COL17A1: variants seen among roughly 807,000 people sequenced by gnomAD.
COL17A1 encodes the protein collagen type XVII alpha 1 chain, also known as collagen alpha-1(XVII) chain.
A neutral mutation model predicts 218.4 loss-of-function variants in COL17A1; 181 were observed. The ratio of observed to expected loss-of-function variants is 0.83; its 90% CI spans 0.73 to 0.94. The LOEUF is 0.94. Ranked by LOEUF, COL17A1 falls within the 40% of genes least tolerant of loss-of-function variation. The probability of loss-of-function intolerance (pLI) is 0.00; values close to 1 mark genes in which losing one functional copy is unlikely to be tolerated. For missense variants in COL17A1, 1,924 were observed against 1,945.9 expected, an observed-to-expected ratio of 0.99 and a Z score of 0.21; for synonymous variants, 721 against 731.0, an observed-to-expected ratio of 0.99 and a Z score of 0.22.
chr10:104,080,735 T>G (rs959922714), intron 1 of COL17A1, 51 bp from the exon 2 acceptor site: 13 of 1,582,210 alleles, frequency 8.2e-6, no homozygotes, highest in Non-Finnish European at 1.0e-5. Context: ...TTGTTTTTAG[T>G]AATTATAGGT....
intron 35 of COL17A1, 148 bp from the exon 36 acceptor site, chr10:104,042,603 C>T: frequency 1.3e-6 from 1 of 798,830 alleles, no homozygotes; most frequent in East Asian, 2.7e-5. Context: ...CGAGATCAGC[C>T]CTGCGGTCCA....
intron 14 of COL17A1, 115 bp from the exon 15 acceptor site, chr10:104,059,833 G>C: frequency 8.7e-7 from 1 of 1,148,444 alleles, no homozygotes; most frequent in Non-Finnish European, 1.3e-6. Flanking sequence ...GGTTAGACTG[G>C]TAAGAAGAGC....
chr10:104,057,065 C>CA lies in COL17A1; in HGVS notation c.1374_1375insT (p.Gly459TrpfsTer43). On this transcript the variant is annotated frameshift_variant, in exon 17 of 56. Transcript: ENST00000648076. LOFTEE classifies it high-confidence loss of function. ...CACTTCCACCAGCTGCAGCAGGAGC[C>CA]GCAGGGGCACCAGGCTGGCGCTGGT... The CA allele has an allele frequency of 6.2e-7, 1 of 1,610,518 alleles. No homozygotes were observed. Among genetic ancestry groups the CA allele is most frequent in the Non-Finnish European group, 8.5e-7 (1 of 1,178,650 alleles).
chr10:104,035,440 A>G, intron 49 of COL17A1, 34 bp downstream of exon 49: 2 of 1,613,396 alleles, frequency 1.2e-6, no homozygotes, highest in East Asian at 2.2e-5. Context: ...TTCCTCCCCA[A>G]CCAGTTGGAC....
chr10:104,069,728 A>T (rs2086654337), intron 9 of COL17A1, among the ~76,000 whole-genome samples: 1 of 151,940 alleles, frequency 6.6e-6, no homozygotes, highest in Non-Finnish European at 1.5e-5. Context: ...CTTCGAACTC[A>T]AACCCCGCCT....
chr10:104,037,364 C>T (rs2086310779), intron 46 of COL17A1, among the ~76,000 whole-genome samples: 3 of 151,412 alleles, frequency 2.0e-5, no homozygotes, highest in Non-Finnish European at 2.9e-5. Flanking sequence ...ATGCTGCCAA[C>T]CTTCATGCAC....
At chr10:104,074,399 A>G (rs1194346567) in intron 5 of COL17A1, among the ~76,000 whole-genome samples, 168 bp from the exon 6 acceptor site, 1 of 152,206 alleles carries the variant, frequency 6.6e-6, no homozygotes, top group Non-Finnish European at 1.5e-5. Context: ...CAGGCTCATG[A>G]TGTAAAACAC....
rs747017472 is a variant in COL17A1 at position 104,057,197 on chromosome 10, AG to A, written c.1268-26del. On this transcript the variant is annotated intron_variant, in intron 16 of 55. Coordinates refer to ENST00000648076, the MANE Select transcript of COL17A1 (RefSeq NM_000494.4). ...TCTGTGAAAGAGACAGGGAAAATGAAGCAAATGCAGGCAGCTCCTGCCTTTT... is the reference window on the plus strand; with the variant it reads ...TCTGTGAAAGAGACAGGGAAAATGAACAAATGCAGGCAGCTCCTGCCTTTT... 9 of 1,613,908 alleles carry A rather than the reference AG, an allele frequency of 5.6e-6. No individual in the cohort carries two copies. The South Asian group carries it at 9.9e-5, about 18-fold the overall frequency.
intron 8 of COL17A1, 119 bp from the exon 9 acceptor site, chr10:104,070,688 C>T: frequency 6.2e-7 from 1 of 1,600,496 alleles, no homozygotes; most frequent in Admixed American, 1.7e-5. Context: ...CTGCCTCACA[C>T]ATTGGAACTT....
At chr10:104,055,443 G>A in intron 18 of COL17A1, 42 bp from the exon 19 acceptor site, 1 of 843,386 alleles carries the variant, frequency 1.2e-6, no homozygotes, top group Non-Finnish European at 1.7e-6. Context: ...CACATCTCCT[G>A]TCACACACAC....
intron 41 of COL17A1, 40 bp downstream of exon 41, chr10:104,039,933 C>A (rs2086341456): frequency 1.2e-6 from 2 of 1,614,048 alleles, no homozygotes; most frequent in Non-Finnish European, 1.7e-6. Context: ...GCCATCCCCA[C>A]CCCTACCCCA....
At position 104,033,859 on chromosome 10, in the gene COL17A1, T is replaced by TG. The variant is rs1813722044; in HGVS notation, c.4156+85dup. ...CCTGCTTGATTCTGTCTTCACAGCCTGGGGGTTCCACAAACAAGAAAGCCA... is the reference window on the plus strand; with the variant it reads ...CCTGCTTGATTCTGTCTTCACAGCCTGGGGGGTTCCACAAACAAGAAAGCCA... On this transcript the variant is annotated intron_variant, in intron 52 of 55. Transcript: ENST00000648076. 3.1e-6 allele frequency: 5 copies of TG among 1,590,358 alleles called. No individual in the cohort carries two copies. The Admixed American group carries it at 8.4e-5, about 27-fold the overall frequency.
rs115438362 is a variant in COL17A1, at chr10:104,046,077, G to A, written c.2363-284C>T. Among the ~76,000 whole-genome samples, 563 of 152,286 alleles carry A rather than the reference G, an allele frequency of 3.7e-3. 1 individual carries two copies. The highest frequency in any genetic ancestry group is 0.013 in the African/African-American group (533 of 41,548). On this transcript the variant is annotated intron_variant, in intron 32 of 55. Transcript: ENST00000648076. ...ATCCCTTGGGGTTATGAGCCACCTG[G>A]AGCCTGCAGAGCAGCCTCTGTCTCC...
intron 10 of COL17A1, 133 bp from the exon 11 acceptor site, chr10:104,063,951 G>T: frequency 7.9e-7 from 1 of 1,270,058 alleles, no homozygotes; most frequent in Non-Finnish European, 1.1e-6. Context: ...TTGTTTTTAG[G>T]AAAAACAGGC....
rs748910979 is a variant in COL17A1 at position 104,036,573 on chromosome 10, G to A, written c.3337C>T (p.Pro1113Ser). ...GACCCATCTCCACTGGCTCCTGGTGGCCCTGGCGGACCCCGAGGGCCCATC... is the reference window on the plus strand; with the variant it reads ...GACCCATCTCCACTGGCTCCTGGTGACCCTGGCGGACCCCGAGGGCCCATC... ...YLMGPRGPPG[P>S]PGASGDGSLL... is the part of the protein sequence containing the mutation. The change falls in exon 48 of 56, where the codon CCA (proline) becomes TCA (serine). Residue 1113 changes from proline to serine, a missense_variant. Transcript: ENST00000648076. 6.2e-7 allele frequency: 1 copy of A among 1,613,996 alleles called. No homozygotes were observed. Among genetic ancestry groups the A allele is most frequent in the South Asian group, 1.1e-5 (1 of 91,072 alleles).
chr10:104,035,191 C>T (rs2134566915), intron 50 of COL17A1, 72 bp downstream of exon 50: 7 of 1,324,284 alleles, frequency 5.3e-6, no homozygotes, highest in Middle Eastern at 2.3e-4. Context: ...ACTGCCCTTG[C>T]TAAAGCCCAT....
At chr10:104,035,061 G>A (rs556773189) in intron 50 of COL17A1, among the ~76,000 whole-genome samples, 1 of 152,294 alleles carries the variant, frequency 6.6e-6, no homozygotes, top group South Asian at 2.1e-4. Context: ...ACCGGGCTGC[G>A]CCTGGGAAAG....
In COL17A1 at chr10:104,052,155, CT is replaced by C; in HGVS notation, c.2001del (p.Gly668ValfsTer15). ...PPGVPGSVGP[K>X]GSSGSPGPQG... Reference sequence around the variant, plus strand: ...ATTCCTTCCTGCACACTGGACTTACCTTTGGGACCCACAGAACCTGGGACAC... The same window carrying C: ...ATTCCTTCCTGCACACTGGACTTACCTTGGGACCCACAGAACCTGGGACAC... On this transcript the variant is annotated frameshift_variant and splice_region_variant, in exon 24 of 56. Coordinates refer to ENST00000648076, the MANE Select transcript of COL17A1 (RefSeq NM_000494.4). LOFTEE classifies it high-confidence loss of function. The C allele has an allele frequency of 6.2e-7, 1 of 1,614,118 alleles. No homozygotes were observed.
At chr10:104,074,157 T>G in intron 6 of COL17A1, 27 bp downstream of exon 6, 6 of 1,614,158 alleles carry the variant, frequency 3.7e-6, no homozygotes, top group Non-Finnish European at 5.1e-6. Context: ...TTTGACCATT[T>G]CTTTAGAAAA....
Sources: allele counts gnomAD v4.1 joint callset (sites outside exome capture counted in the v4.1 genomes callset), GRCh38; gene constraint gnomAD v4.1.1; transcripts MANE v1.5; gene names NCBI Gene and HGNC (gene_info 2026-07-23, HGNC 2026-07-21).